DNMBP: variants seen among roughly 807,000 people sequenced by gnomAD.
DNMBP encodes the protein dynamin-binding protein.
A neutral mutation model predicts 150.0 loss-of-function variants in DNMBP; 87 were observed. The observed-to-expected ratio is 0.58, with a 90% confidence interval of 0.49 to 0.69. DNMBP has a LOEUF of 0.69. DNMBP is among the 30% of genes least tolerant of loss of function. The probability of loss-of-function intolerance (pLI) is 0.00; values close to 1 mark genes in which losing one functional copy is unlikely to be tolerated. For missense variants in DNMBP, 1,774 were observed against 1,949.0 expected, an observed-to-expected ratio of 0.91 and a Z score of 1.69; for synonymous variants, 711 against 750.4, an observed-to-expected ratio of 0.95 and a Z score of 0.86.
intron 4 of DNMBP, among the ~76,000 whole-genome samples, chr10:99,924,528 T>C (rs919511571): frequency 3.3e-5 from 5 of 152,278 alleles, no homozygotes; most frequent in Non-Finnish European, 7.3e-5. Context: ...GTCTATGCTA[T>C]ACATACTTCT....
intron 3 of DNMBP, 112 bp downstream of exon 3, chr10:99,969,003 G>A (rs1357798646): frequency 4.0e-6 from 5 of 1,249,510 alleles, no homozygotes; most frequent in East Asian, 4.7e-5. Flanking sequence ...GTATTGCCGA[G>A]GACTCTCTAG....
intron 1 of DNMBP, among the ~76,000 whole-genome samples, chr10:99,979,299 T>A (rs1447696586): frequency 6.6e-6 from 1 of 152,068 alleles, no homozygotes; most frequent in Non-Finnish European, 1.5e-5. Context: ...TCTACCCAAC[T>A]GGGAAAAAAA....
chr10:99,959,929 A>G (rs189250607), intron 3 of DNMBP, among the ~76,000 whole-genome samples: 31 of 152,224 alleles, frequency 2.0e-4, no homozygotes, highest in Admixed American at 1.7e-3. Context: ...TGGACAATGA[A>G]TGTTCAATCA....
intron 1 of DNMBP, among the ~76,000 whole-genome samples, chr10:99,976,566 A>G (rs570014963): frequency 1.3e-5 from 2 of 152,306 alleles, no homozygotes; most frequent in East Asian, 3.9e-4. Flanking sequence ...TACTACCAAA[A>G]TTATGTAAAG....
intron 4 of DNMBP, among the ~76,000 whole-genome samples, chr10:99,911,054 C>T (rs1390179402): frequency 1.3e-5 from 2 of 152,032 alleles, no homozygotes; most frequent in African/African-American, 4.8e-5. Flanking sequence ...GCCTGGGCAA[C>T]ATGGTGAAAC....
chr10:100,009,378 C>T (rs553455096), intron 1 of DNMBP, among the ~76,000 whole-genome samples: 10 of 152,368 alleles, frequency 6.6e-5, no homozygotes, highest in Admixed American at 4.6e-4. Flanking sequence ...ACCCTTGCTT[C>T]GGAAGCCATC....
At chr10:99,878,086 G>T (rs1320106260) in intron 16 of DNMBP, among the ~76,000 whole-genome samples, 1 of 152,242 alleles carries the variant, frequency 6.6e-6, no homozygotes. Flanking sequence ...CTGGGCAACA[G>T]AGCAAGACTC....
chr10:99,997,453 C>T (rs1213677332), intron 1 of DNMBP, among the ~76,000 whole-genome samples: 1 of 152,084 alleles, frequency 6.6e-6, no homozygotes, highest in African/African-American at 2.4e-5. Flanking sequence ...CTACAAGGGC[C>T]AGTGAATCCC....
chr10:99,917,623 T>A (rs2039977940), intron 4 of DNMBP, among the ~76,000 whole-genome samples: 1 of 152,172 alleles, frequency 6.6e-6, no homozygotes, highest in South Asian at 2.1e-4. Flanking sequence ...TCTTTACATT[T>A]TAATAATCTG....
chr10:99,917,661 T>A (rs1466505049), intron 4 of DNMBP, among the ~76,000 whole-genome samples: 1 of 152,116 alleles, frequency 6.6e-6, no homozygotes, highest in African/African-American at 2.4e-5. Context: ...TATCAATCCC[T>A]ATAAATGGAT....
chr10:99,980,766 C>CT (rs2040773743), intron 1 of DNMBP, among the ~76,000 whole-genome samples: 1 of 114,416 alleles, frequency 8.7e-6, no homozygotes, highest in African/African-American at 4.2e-5. Context: ...GTTTGTGCCA[C>CT]TCATTCCAGC....
intron 1 of DNMBP, among the ~76,000 whole-genome samples, chr10:100,009,484 TTCCAGC>T (rs2041109685): frequency 6.6e-6 from 1 of 152,252 alleles, no homozygotes; most frequent in Admixed American, 6.5e-5. Context: ...AGAATTCTTT[TTCCAGC>T]TCTCAAAATT....
Position 99,986,594 on chromosome 10 carries a change from C to CAAAAAAAAAA in DNMBP, c.-10-14470_-10-14461dup, listed in dbSNP as rs747726572. Among the ~76,000 whole-genome samples the CAAAAAAAAAA allele has an allele frequency of 2.0e-3, 145 of 74,138 alleles. 22 individuals carry two copies. Among genetic ancestry groups the CAAAAAAAAAA allele is most frequent in the African/African-American group, 5.5e-3 (114 of 20,720 alleles). The allele number at this position is 74,138 out of a possible 152,430, so 48.6% of individuals were successfully genotyped here. On this transcript the variant is annotated intron_variant, in intron 1 of 16. Transcript: ENST00000324109. The stretch of plus-strand genomic sequence containing the variant: ...TGGGAGACAGAGCAAGACTCCGTCT[C>CAAAAAAAAAA]AAAAAAAAAAAAAAAAAAAAAAAAA...
intron 2 of DNMBP, among the ~76,000 whole-genome samples, chr10:99,971,330 T>TTG (rs2040675095): frequency 8.5e-6 from 1 of 117,530 alleles, no homozygotes; most frequent in Non-Finnish European, 1.8e-5. Context: ...TTCCTTCCTT[T>TTG]CTTTCTTTTC....
intron 1 of DNMBP, among the ~76,000 whole-genome samples, chr10:99,976,246 T>G (rs767229588): frequency 2.0e-5 from 3 of 152,226 alleles, no homozygotes; most frequent in Non-Finnish European, 2.9e-5. Context: ...ATATAAACTC[T>G]ACGGAGCTTA....
chr10:99,981,154 T>G (rs558336364), intron 1 of DNMBP, among the ~76,000 whole-genome samples: 6 of 152,260 alleles, frequency 3.9e-5, no homozygotes, highest in African/African-American at 1.4e-4. Flanking sequence ...AAAACGTGAA[T>G]GTGAAAGAAG....
chr10:99,955,604 G>T lies in DNMBP; in HGVS notation c.1870C>A (p.His624Asn). 1 of 1,613,846 alleles carries T rather than the reference G, an allele frequency of 6.2e-7. No homozygotes were observed. Among genetic ancestry groups the T allele is most frequent in the Non-Finnish European group, 8.5e-7 (1 of 1,179,786 alleles). Residue 624 changes from histidine to asparagine, a missense_variant, in exon 4 of 17, where the codon CAT becomes AAT. Physicochemically the swap from His to Asn is moderately conservative, Grantham distance 68. This residue lies in a region of DNMBP where 1,430 missense variants were observed against 1,492.5 expected (regional missense o/e 0.96). Coordinates refer to ENST00000324109, the MANE Select transcript of DNMBP (RefSeq NM_015221.4). The part of the protein sequence containing the change: ...RPCTPVSTSP[H>N]LLVDQNLKPA... ...TTTAGGTTCTGGTCAACCAGCAAAT[G>T]GGGAGAAGTGGATACCGGAGTACAG...
chr10:99,964,497 G>GA (rs2040597998), intron 3 of DNMBP, among the ~76,000 whole-genome samples: 1 of 145,760 alleles, frequency 6.9e-6, no homozygotes, highest in South Asian at 2.2e-4. Flanking sequence ...TCCTGTTTTT[G>GA]TTTTTTTTTT....
chr10:99,899,517 G>A (rs1159242488), intron 7 of DNMBP, among the ~76,000 whole-genome samples: 3 of 152,078 alleles, frequency 2.0e-5, no homozygotes, highest in Non-Finnish European at 2.9e-5. Context: ...CGGGAGAATC[G>A]CTTGAACCCG....
Sources: gnomAD v4.1 joint callset for allele counts (sites outside exome capture counted in the v4.1 genomes callset) on GRCh38, gnomAD v4.1.1 for gene constraint, gnomAD v4.1.1 regional missense constraint, MANE v1.5 for transcripts, NCBI Gene and HGNC (gene_info 2026-07-23, HGNC 2026-07-21) for gene names.